Variants in LARGE1 observed in about 807,000 individuals in gnomAD.
LARGE1 encodes the protein xylosyl- and glucuronyltransferase LARGE1.
Under a neutral mutation model 87.6 loss-of-function variants are expected in LARGE1, and 43 were observed. The observed-to-expected ratio is 0.49, with a 90% confidence interval of 0.38 to 0.63. The LOEUF is 0.63. Ranked by LOEUF, LARGE1 falls within the 30% of genes least tolerant of loss-of-function variation. The probability of loss-of-function intolerance (pLI) is 0.00; values close to 1 mark genes in which losing one functional copy is unlikely to be tolerated. For synonymous variants in LARGE1, 434 were observed against 394.6 expected (o/e 1.10, Z -1.18); for missense variants, 802 against 1,000.2 (o/e 0.80, Z 2.67).
intron 5 of LARGE1, among the ~76,000 whole-genome samples, chr22:33,586,124 A>G (rs896527159): frequency 6.6e-6 from 1 of 152,192 alleles, no homozygotes; most frequent in African/African-American, 2.4e-5. Flanking sequence ...CAGGATTAAG[A>G]TGGATGGACT....
At chr22:33,341,347 C>G (rs1939123844) in intron 9 of LARGE1, among the ~76,000 whole-genome samples, 1 of 151,898 alleles carries the variant, frequency 6.6e-6, no homozygotes, top group African/African-American at 2.4e-5. Flanking sequence ...CATCAAGCAG[C>G]CAGACTGGAC....
the LARGE1 span, among the ~76,000 whole-genome samples, chr22:33,072,428 T>C: frequency 6.6e-6 from 1 of 152,084 alleles, no homozygotes; most frequent in Non-Finnish European, 1.5e-5. Context: ...GACTGGTTCA[T>C]GGCAAGGGGA....
intron 11 of LARGE1, among the ~76,000 whole-genome samples, chr22:33,212,358 G>C (rs560566184): frequency 1.3e-5 from 2 of 152,296 alleles, no homozygotes; most frequent in African/African-American, 4.8e-5. Context: ...CTTTATAAAT[G>C]GAACAACAAG....
chr22:33,496,898 TG>T (rs778968279), intron 6 of LARGE1, among the ~76,000 whole-genome samples: 3 of 151,720 alleles, frequency 2.0e-5, no homozygotes, highest in Non-Finnish European at 2.9e-5. Flanking sequence ...CAACATTGTT[TG>T]GTTTATCTTT....
intron 1 of LARGE1, among the ~76,000 whole-genome samples, chr22:33,885,486 A>G (rs1168951402): frequency 6.6e-6 from 1 of 152,216 alleles, no homozygotes; most frequent in Non-Finnish European, 1.5e-5. Context: ...TGTTTATCTC[A>G]TATCAGTATC....
intron 5 of LARGE1, among the ~76,000 whole-genome samples, chr22:33,573,201 G>A (rs2078256627): frequency 6.6e-6 from 1 of 152,164 alleles, no homozygotes; most frequent in African/African-American, 2.4e-5. Flanking sequence ...CACTTTGGTA[G>A]GCCGAGGCGG....
chr22:33,325,998 T>TAA (rs1395261714), intron 10 of LARGE1, among the ~76,000 whole-genome samples: 1 of 152,178 alleles, frequency 6.6e-6, no homozygotes, highest in African/African-American at 2.4e-5. Context: ...ACAAAGCAGT[T>TAA]ACATCTTATT....
intron 6 of LARGE1, among the ~76,000 whole-genome samples, chr22:33,495,769 G>A (rs1190871793): frequency 6.6e-6 from 1 of 152,088 alleles, no homozygotes; most frequent in East Asian, 1.9e-4. Context: ...GTATTTCAAT[G>A]CTACTGCTTT....
intron 1 of LARGE1, among the ~76,000 whole-genome samples, chr22:33,765,707 CAA>C (rs33943950): frequency 1.1e-4 from 8 of 69,934 alleles, no homozygotes; most frequent in African/African-American, 3.5e-4. Flanking sequence ...CTCCATCTCA[CAA>C]AAAAAAAAAA....
chr22:33,163,490 G>A (rs1431883633), exon 12 of LARGE1: 1 of 152,174 alleles, frequency 6.6e-6, no homozygotes, highest in African/African-American at 2.4e-5. Context: ...TTCATTACAG[G>A]TACATTCACT....
chr22:33,174,130 T>C (rs1472221054), intron 11 of LARGE1, among the ~76,000 whole-genome samples: 2 of 152,140 alleles, frequency 1.3e-5, no homozygotes, highest in Non-Finnish European at 2.9e-5. Flanking sequence ...ACGGAAATCA[T>C]AACAAACAGG....
At chr22:33,708,679 C>A (rs1198126243) in intron 2 of LARGE1, among the ~76,000 whole-genome samples, 5 of 152,180 alleles carry the variant, frequency 3.3e-5, no homozygotes, top group Admixed American at 3.3e-4. Flanking sequence ...CGGCTCACTG[C>A]AACCTCTGCC....
rs1037875688 is a variant in LARGE1, at chr22:33,826,432, T to C, written c.-82-64874A>G. On this transcript the variant is annotated intron_variant, in intron 1 of 14. Coordinates refer to ENST00000397394, the MANE Select transcript of LARGE1 (RefSeq NM_133642.5). The stretch of plus-strand genomic sequence containing the variant: ...ATCTCGGCTCGCTGCAACCTCCGCC[T>C]CCTGGGTTCAAGCAGTTCTCCTACC... Among the ~76,000 whole-genome samples the C allele has an allele frequency of 5.4e-5, 8 of 149,210 alleles. 1 individual carries two copies. Among genetic ancestry groups the C allele is most frequent in the African/African-American group, 1.7e-4 (7 of 40,112 alleles).
chr22:33,222,254 C>G (rs150494813), intron 11 of LARGE1, among the ~76,000 whole-genome samples: 2 of 152,216 alleles, frequency 1.3e-5, no homozygotes, highest in East Asian at 1.9e-4. Flanking sequence ...GGGTGCTGCA[C>G]CTGAGTGCTC....
Position 33,386,580 on chromosome 22 carries a change from C to T in LARGE1, c.893-2276G>A, listed in dbSNP as rs534612464. Among the ~76,000 whole-genome samples, 12 of 148,830 alleles carry T rather than the reference C, an allele frequency of 8.1e-5. 2 individuals carry two copies. The South Asian group carries it at 2.4e-3, about 30-fold the overall frequency. ...GCCAATTGCCAAGGTGTAAACACTC[C>T]CATCATGGCTAATTTCAAGCTAGCA... On this transcript the variant is annotated intron_variant, in intron 7 of 14. Transcript: ENST00000397394.
chr22:33,712,064 G>T (rs1249021121), intron 2 of LARGE1, among the ~76,000 whole-genome samples: 1 of 152,154 alleles, frequency 6.6e-6, no homozygotes, highest in Admixed American at 6.5e-5. Context: ...TTTTATAAAG[G>T]CAGAAGTCCA....
intron 11 of LARGE1, among the ~76,000 whole-genome samples, chr22:33,202,276 C>A (rs1314610937): frequency 6.6e-6 from 1 of 152,148 alleles, no homozygotes; most frequent in Non-Finnish European, 1.5e-5. Context: ...TGAATATGAT[C>A]CACCGTTTCT....
chr22:33,220,419 A>C (rs1925403550), intron 11 of LARGE1, among the ~76,000 whole-genome samples: 1 of 152,238 alleles, frequency 6.6e-6, no homozygotes. Flanking sequence ...AAAAAGACTA[A>C]AGACAGAGGG....
chr22:33,280,404 G>A (rs1239248868), intron 13 of LARGE1, among the ~76,000 whole-genome samples: 1 of 151,604 alleles, frequency 6.6e-6, no homozygotes, highest in Non-Finnish European at 1.5e-5. Context: ...AATTCCTGGT[G>A]GTCTTGCTCT....
Sources: gnomAD v4.1 joint callset for allele counts (sites outside exome capture counted in the v4.1 genomes callset) on GRCh38, gnomAD v4.1.1 for gene constraint, MANE v1.5 for transcripts, NCBI Gene and HGNC (gene_info 2026-07-23, HGNC 2026-07-21) for gene names.